Variants in STEAP1 observed in about 807,000 individuals in gnomAD.
STEAP1 encodes STEAP family member 1, also known as STEAP1 protein.
STEAP1 carries 30 observed loss-of-function variants against 34.4 expected under a neutral mutation model. That is an observed-to-expected ratio of 0.87 (90% confidence interval 0.65 to 1.18). STEAP1 has a LOEUF of 1.18. Among genes scored for constraint, STEAP1 ranks in the 50% most tolerant of loss-of-function variants. The pLI is 0.00. For synonymous variants in STEAP1, 116 were observed against 135.3 expected (o/e 0.86, Z 0.99); for missense variants, 318 against 391.1 (o/e 0.81, Z 1.58).
intron 2 of STEAP1, among the ~76,000 whole-genome samples, chr7:90,160,347 C>G (rs566894584): frequency 2.5e-4 from 38 of 152,254 alleles, no homozygotes; most frequent in African/African-American, 8.7e-4. Flanking sequence ...GGATAAGAAT[C>G]ACTTGTTCCA....
chr7:90,164,273 G>T (rs781684861), intron 4 of STEAP1, among the ~76,000 whole-genome samples: 39 of 152,168 alleles, frequency 2.6e-4, no homozygotes, highest in Non-Finnish European at 8.8e-5. Flanking sequence ...CACTTAGACA[G>T]CTTGGAGACA....
At chr7:90,163,153 A>T (rs1165792648) in intron 4 of STEAP1, 2 of 236,938 alleles carry the variant, frequency 8.4e-6, no homozygotes, top group East Asian at 1.8e-4. Context: ...CCACACGTAT[A>T]CTCCAACACT....
intron 1 of STEAP1, among the ~76,000 whole-genome samples, chr7:90,157,094 C>T (rs2115956615): frequency 6.6e-6 from 1 of 152,132 alleles, no homozygotes; most frequent in South Asian, 2.1e-4. Flanking sequence ...GAGTTGGGTT[C>T]ATAAATACTT....
chr7:90,164,327 T>G, intron 4 of STEAP1, 150 bp from the exon 5 acceptor site: 1 of 960,392 alleles, frequency 1.0e-6, no homozygotes, highest in Non-Finnish European at 1.4e-6. Context: ...GCAAAAAGAG[T>G]AGAAAGATGT....
At position 90,161,904 on chromosome 7, in the gene STEAP1, C is replaced by G; in HGVS notation, c.598-10C>G. The G allele has an allele frequency of 1.9e-6, 3 of 1,589,038 alleles. No individual in the cohort carries two copies. The highest frequency in any genetic ancestry group is 2.6e-6 in the Non-Finnish European group (3 of 1,170,880). Reference sequence around the variant, plus strand: ...TTGCATTTCTTCTTTCTTTATTTACCTTCTGGTAGGTCCAACAAAATAAAG... The same window carrying G: ...TTGCATTTCTTCTTTCTTTATTTACGTTCTGGTAGGTCCAACAAAATAAAG... On this transcript the variant is annotated splice_polypyrimidine_tract_variant and intron_variant, in intron 3 of 4. Coordinates refer to ENST00000297205, the MANE Select transcript of STEAP1 (RefSeq NM_012449.3).
chr7:90,164,738 T>C lies in STEAP1; in HGVS notation c.*4T>C. 1 of 1,603,800 alleles carries C rather than the reference T, an allele frequency of 6.2e-7. No homozygotes were observed. On this transcript the variant is annotated 3_prime_UTR_variant, in exon 5 of 5. Transcript: ENST00000297205. Reference sequence around the variant, plus strand: ...TGAGATATGTTCCCAGTTGTAGAATTACTGTTTACACACATTTTTGTTCAA... The same window carrying C: ...TGAGATATGTTCCCAGTTGTAGAATCACTGTTTACACACATTTTTGTTCAA...
intron 4 of STEAP1, among the ~76,000 whole-genome samples, chr7:90,162,485 T>C (rs1794200136): frequency 6.6e-6 from 1 of 151,884 alleles, no homozygotes; most frequent in Non-Finnish European, 1.5e-5. Flanking sequence ...CCCATCACCA[T>C]GTCCAGCTAA....
intron 1 of STEAP1, among the ~76,000 whole-genome samples, chr7:90,159,322 C>G (rs1050417653): frequency 4.6e-5 from 7 of 152,140 alleles, no homozygotes; most frequent in African/African-American, 1.7e-4. Flanking sequence ...GTGTCAACCC[C>G]AAAATTCTGT....
chr7:90,164,421 G>T (rs1366689010), intron 4 of STEAP1, 56 bp from the exon 5 acceptor site: 1 of 1,536,638 alleles, frequency 6.5e-7, no homozygotes, highest in African/African-American at 1.4e-5. Context: ...AGATGAGGTA[G>T]GATGGGATAA....
At chr7:90,156,409 C>G (rs1327612204) in intron 1 of STEAP1, among the ~76,000 whole-genome samples, 1 of 152,124 alleles carries the variant, frequency 6.6e-6, no homozygotes. Flanking sequence ...AACACCATCC[C>G]CCCTTGGTGC....
At chr7:90,162,308 T>TTTTG (rs113034818) in intron 4 of STEAP1, 87,747 of 593,768 alleles carry the variant, frequency 0.15, 5,662 homozygotes, top group Middle Eastern at 0.21. Flanking sequence ...TGTTTTTTTT[T>TTTTG]TTTGTTTGTT....
rs1390445436 is a variant in STEAP1, at chr7:90,158,797, C to T, written c.-31-961C>T. On this transcript the variant is annotated intron_variant, in intron 1 of 4. Coordinates refer to ENST00000297205, the MANE Select transcript of STEAP1 (RefSeq NM_012449.3). ...TTATACTCTTATGGGACCACTGTTACATATGCAGTCAGTCGTTGACCAAAG... is the reference window on the plus strand; with the variant it reads ...TTATACTCTTATGGGACCACTGTTATATATGCAGTCAGTCGTTGACCAAAG... 2.6e-5 allele frequency among the ~76,000 whole-genome samples: 4 copies of T among 152,190 alleles called. 1 individual carries two copies. The highest frequency in any genetic ancestry group is 9.7e-5 in the African/African-American group (4 of 41,444).
At chr7:90,163,072 T>C in intron 4 of STEAP1, 1 of 394,102 alleles carries the variant, frequency 2.5e-6, no homozygotes, top group Non-Finnish European at 5.7e-6. Flanking sequence ...CACTGCCAAT[T>C]ACCGTTTATG....
At chr7:90,157,286 G>A (rs900855325) in intron 1 of STEAP1, among the ~76,000 whole-genome samples, 1 of 152,144 alleles carries the variant, frequency 6.6e-6, no homozygotes, top group African/African-American at 2.4e-5. Flanking sequence ...GTCTTTCTCT[G>A]CTTCTTGTTC....
At chr7:90,155,330 G>T (rs1216877707) in intron 1 of STEAP1, among the ~76,000 whole-genome samples, 1 of 151,750 alleles carries the variant, frequency 6.6e-6, no homozygotes, top group Non-Finnish European at 1.5e-5. Context: ...AAGTATAAAA[G>T]GTTGGAAATG....
At chr7:90,159,139 A>G (rs1415815591) in intron 1 of STEAP1, among the ~76,000 whole-genome samples, 2 of 152,216 alleles carry the variant, frequency 1.3e-5, no homozygotes, top group Non-Finnish European at 2.9e-5. Flanking sequence ...ATCAAGTGAG[A>G]AATTTGAAAA....
chr7:90,164,798 G>C lies in STEAP1; in HGVS notation c.*64G>C, dbSNP rs1794234117. ...ATTTTATCACCAACATTTCAAGTTT[G>C]TATTTGTTAATAAAATGATTATTCA... On this transcript the variant is annotated 3_prime_UTR_variant, in exon 5 of 5. Transcript: ENST00000297205. 3 of 1,420,742 alleles carry C rather than the reference G, an allele frequency of 2.1e-6. No homozygotes were observed. The East Asian group carries it at 7.3e-5, about 35-fold the overall frequency. The allele number at this position is 1,420,742 out of a possible 1,614,324, so 88.0% of individuals were successfully genotyped here.
At position 90,157,326 on chromosome 7, in the gene STEAP1, A is replaced by T. The variant is rs150343770; in HGVS notation, c.-31-2432A>T. On this transcript the variant is annotated intron_variant, in intron 1 of 4. Coordinates refer to ENST00000297205, the MANE Select transcript of STEAP1 (RefSeq NM_012449.3). The stretch of plus-strand genomic sequence containing the variant: ...TCCGTGTTGGCTTTCTTCTTTTCTA[A>T]TGAAAACATGTTCCTTCTTAGAGCA... Among the ~76,000 whole-genome samples, 1,188 of 152,282 alleles carry T rather than the reference A, an allele frequency of 7.8e-3. 15 individuals carry two copies. Among genetic ancestry groups the T allele is most frequent in the Middle Eastern group, 0.031 (9 of 294 alleles).
At chr7:90,162,398 G>A (rs550076506) in intron 4 of STEAP1, 109 of 229,792 alleles carry the variant, frequency 4.7e-4, no homozygotes, top group African/African-American at 2.4e-3. Context: ...GCACGATCTC[G>A]GCTCACTGCA....
Sources: allele counts gnomAD v4.1 joint callset (sites outside exome capture counted in the v4.1 genomes callset), GRCh38; gene constraint gnomAD v4.1.1; transcripts MANE v1.5; gene names NCBI Gene and HGNC (gene_info 2026-07-23, HGNC 2026-07-21).